Variants in UHMK1 observed in about 807,000 individuals in gnomAD.
The protein encoded by UHMK1 is serine/threonine-protein kinase Kist.
A neutral mutation model predicts 44.0 loss-of-function variants in UHMK1; 18 were observed. The ratio of observed to expected loss-of-function variants is 0.41; its 90% confidence interval spans 0.28 to 0.61. The LOEUF is 0.61. UHMK1 is among the 20% of genes least tolerant of loss of function. UHMK1 has a pLI of 0.31. For missense variants in UHMK1, 463 were observed against 522.5 expected, an observed-to-expected ratio of 0.89 and a Z score of 1.11; for synonymous variants, 231 against 198.5, an observed-to-expected ratio of 1.16 and a Z score of -1.38.
intron 7 of UHMK1, among the ~76,000 whole-genome samples, chr1:162,522,049 TTCAGCCGTA>T (rs68036113): frequency 0.36 from 54,237 of 151,770 alleles, 10,135 homozygotes; most frequent in Non-Finnish European, 0.41. Context: ...GTCTGAGCTA[TTCAGCCGTA>T]TCTTTGGCAG....
chr1:162,497,249 A>G (rs371768493), upstream of UHMK1: 238 of 701,898 alleles, frequency 3.4e-4, no homozygotes, highest in East Asian at 4.9e-3. Flanking sequence ...AATAGATTGT[A>G]AATGTTTCTT....
Position 162,501,083 on chromosome 1 carries a change from A to G in UHMK1, c.732A>G (p.Thr244=), listed in dbSNP as rs1651252235. Residue 244 remains threonine, a synonymous_variant, in exon 3 of 8, where the codon ACA becomes ACG. Transcript: ENST00000489294. ...TCTCAGGAATGAAACTGAAACATACAGTCAGATCTCAGGAATGGAAGGTAA... is the reference window on the plus strand; with the variant it reads ...TCTCAGGAATGAAACTGAAACATACGGTCAGATCTCAGGAATGGAAGGTAA... The part of the protein sequence containing the change: ...EMFSGMKLKH[T]VRSQEWKANS... The G allele has an allele frequency of 1.2e-6, 2 of 1,613,988 alleles. No homozygotes were observed. The highest frequency in any genetic ancestry group is 1.7e-5 in the Admixed American group (1 of 59,990).
In UHMK1 at chr1:162,512,528, ATTCCTGCTG is replaced by A; in HGVS notation, c.878_886del (p.Ile293_Glu296delinsLys). ...GCTTCATGATGATCCAAGCAGAAGA[ATTCCTGCTG>A]AAATGGCATTGTGCAGCCCATTCTT... On this transcript the variant is annotated inframe_deletion, in exon 5 of 8. Transcript: ENST00000489294. 2.5e-6 allele frequency: 4 copies of A among 1,612,986 alleles called. No homozygotes were observed. Among genetic ancestry groups the A allele is most frequent in the Non-Finnish European group, 3.4e-6 (4 of 1,179,784 alleles).
rs753460681 is a variant in UHMK1 at position 162,522,445 on chromosome 1, G to A, written c.1155G>A (p.Ala385=). 2.4e-5 allele frequency: 39 copies of A among 1,614,004 alleles called. No individual in the cohort carries two copies. Among genetic ancestry groups the A allele is most frequent in the Non-Finnish European group, 2.8e-5 (33 of 1,180,026 alleles). ...EYANAGDSKA[A]QKLLTGRMFD... is the part of the protein sequence containing the mutation. ...CAAATGCTGGTGATTCCAAAGCTGC[G>A]CAGAAATTACTGACTGGAAGGATGT... is the stretch of plus-strand genomic sequence containing the variant. The change falls in exon 8 of 8, where the codon GCG becomes GCA. Residue 385 remains alanine, a synonymous_variant. Coordinates refer to ENST00000489294, the MANE Select transcript of UHMK1 (RefSeq NM_175866.5).
intron 3 of UHMK1, among the ~76,000 whole-genome samples, chr1:162,502,300 A>G (rs949517698): frequency 6.6e-6 from 1 of 152,216 alleles, no homozygotes. Flanking sequence ...CTGTATAGCT[A>G]TTATAACATA....
chr1:162,522,391 T>C lies in UHMK1; in HGVS notation c.1114-13T>C. The C allele has an allele frequency of 6.2e-7, 1 of 1,613,626 alleles. No homozygotes were observed. Among genetic ancestry groups the C allele is most frequent in the Non-Finnish European group, 8.5e-7 (1 of 1,179,820 alleles). On this transcript the variant is annotated splice_polypyrimidine_tract_variant and intron_variant, in intron 7 of 7. Coordinates refer to ENST00000489294, the MANE Select transcript of UHMK1 (RefSeq NM_175866.5). Reference sequence around the variant, plus strand: ...GGTGGAAATGAAATGTTTTTTTCTCTGTCTTCTTTCAGGTCTTTGTTGAGT... The same window carrying C: ...GGTGGAAATGAAATGTTTTTTTCTCCGTCTTCTTTCAGGTCTTTGTTGAGT...
In UHMK1 at chr1:162,497,849, A is replaced by T; in HGVS notation, c.-152A>T. 1.5e-6 allele frequency: 2 copies of T among 1,363,636 alleles called. No homozygotes were observed. Among genetic ancestry groups the T allele is most frequent in the Non-Finnish European group, 1.9e-6 (2 of 1,063,460 alleles). 84.5% of individuals were successfully genotyped at this position (1,363,636 alleles called of 1,614,324 possible). ...CGGGTGCACCACGGCTTCCGGTGTC[A>T]TGGCTGCTTGAAGTCCCGGGAGTCG... On this transcript the variant is annotated 5_prime_UTR_variant, in exon 1 of 8. The change abolishes an upstream ATG in the 5' untranslated region. Transcript: ENST00000489294.
rs368892361 is a variant in UHMK1, at chr1:162,528,046, G to A, written c.*5496G>A. ...CACTTTTTTATCCCAGGTTGGAATT[G>A]CTTTCCCCTTCTAAGTTATCTTCCC... On this transcript the variant is annotated 3_prime_UTR_variant, in exon 8 of 8. Coordinates refer to ENST00000489294, the MANE Select transcript of UHMK1 (RefSeq NM_175866.5). 2.0e-5 allele frequency: 3 copies of A among 151,960 alleles called. No individual in the cohort carries two copies. The highest frequency in any genetic ancestry group is 3.2e-3 in the Middle Eastern group (1 of 316). The allele number at this position is 151,960 out of a possible 1,614,324, so 9.4% of individuals were successfully genotyped here. A position where few individuals can be genotyped will look rare whatever the true frequency, so the allele number is the denominator to read the frequency against.
chr1:162,500,469 C>T (rs1420849816), intron 2 of UHMK1: 1 of 542,266 alleles, frequency 1.8e-6, no homozygotes, highest in Non-Finnish European at 3.2e-6. Flanking sequence ...AGCATGAGAG[C>T]TCTGGAATTA....
At chr1:162,507,342 A>G (rs1571008765) in intron 4 of UHMK1, among the ~76,000 whole-genome samples, 1 of 147,138 alleles carries the variant, frequency 6.8e-6, no homozygotes, top group Non-Finnish European at 1.5e-5. Context: ...CTGGTCTTGA[A>G]CTCCTGATCT....
intron 7 of UHMK1, among the ~76,000 whole-genome samples, chr1:162,519,115 G>A (rs1307016617): frequency 2.0e-5 from 3 of 151,884 alleles, no homozygotes; most frequent in African/African-American, 7.3e-5. Context: ...TCAGGAGTTT[G>A]AGACCAGCCC....
Position 162,499,989 on chromosome 1 carries a change from T to C in UHMK1, c.303T>C (p.Ser101=), listed in dbSNP as rs1001306355. 2.5e-6 allele frequency: 4 copies of C among 1,614,098 alleles called. No homozygotes were observed. The highest frequency in any genetic ancestry group is 2.7e-5 in the African/African-American group (2 of 74,918). Residue 101 remains serine (S), a synonymous_variant, in exon 2 of 8, where the codon TCT becomes TCC. Transcript: ENST00000489294. ...ATGGAGTGTTTACAATCCACTTTTC[T>C]CCAAATGTGCCATCACGCTGTCTGT... ...TLYGVFTIHF[S]PNVPSRCLLL...
Position 162,522,468 on chromosome 1 carries a change from T to C in UHMK1, c.1178T>C (p.Met393Thr). 1 of 1,614,190 alleles carries C rather than the reference T, an allele frequency of 6.2e-7. No individual in the cohort carries two copies. Among genetic ancestry groups the C allele is most frequent in the Non-Finnish European group, 8.5e-7 (1 of 1,180,026 alleles). Residue 393 changes from methionine (M) to threonine (T), a missense_variant, in exon 8 of 8, where the codon ATG becomes ACG. Met to Thr is a moderately conservative substitution (Grantham distance 81). Transcript: ENST00000489294. The stretch of plus-strand genomic sequence containing the variant: ...GCGCAGAAATTACTGACTGGAAGGA[T>C]GTTTGATGGGAAGTTTGTTGTGGCT... ...KAAQKLLTGRMFDGKFVVATF... is the reference protein window; with the variant it reads ...KAAQKLLTGRTFDGKFVVATF...
At chr1:162,522,212 A>G (rs1652083829) in intron 7 of UHMK1, among the ~76,000 whole-genome samples, 192 bp from the exon 8 acceptor site, 1 of 152,226 alleles carries the variant, frequency 6.6e-6, no homozygotes, top group South Asian at 2.1e-4. Context: ...AGTATAGTTC[A>G]TAGACCAGCA....
At chr1:162,516,506 A>G (rs1651839802) in intron 6 of UHMK1, among the ~76,000 whole-genome samples, 1 of 152,186 alleles carries the variant, frequency 6.6e-6, no homozygotes, top group South Asian at 2.1e-4. Context: ...CTTTTTTAAT[A>G]TAAAAAGACA....
At chr1:162,507,320 A>G (rs1651503059) in intron 4 of UHMK1, among the ~76,000 whole-genome samples, 1 of 151,960 alleles carries the variant, frequency 6.6e-6, no homozygotes, top group East Asian at 1.9e-4. Flanking sequence ...GGGTTTCACC[A>G]TATTGGCCAG....
rs1050698081 is a variant in UHMK1, at chr1:162,521,038, A to G, written c.1114-1366A>G. On this transcript the variant is annotated intron_variant, in intron 7 of 7. Transcript: ENST00000489294. ...AAGGAGAGTGAAAGCAGCTTTTGAT[A>G]AACTCTTGGAATCACAGATTTAATC... Among the ~76,000 whole-genome samples, 3 of 152,208 alleles carry G rather than the reference A, an allele frequency of 2.0e-5. No individual in the cohort carries two copies. In the South Asian group the frequency reaches 6.2e-4, roughly 31 times the overall value.
At chr1:162,500,326 G>A in intron 2 of UHMK1, 79 bp downstream of exon 2, 1 of 1,467,968 alleles carries the variant, frequency 6.8e-7, no homozygotes, top group Non-Finnish European at 9.1e-7. Context: ...GACAAGGGTA[G>A]TTTAGTAGGG....
At chr1:162,516,496 CT>C (rs1651839643) in intron 6 of UHMK1, among the ~76,000 whole-genome samples, 1 of 152,036 alleles carries the variant, frequency 6.6e-6, no homozygotes, top group Non-Finnish European at 1.5e-5. Context: ...GAAGGAGATA[CT>C]TTTTTAATAT....
Sources: gnomAD v4.1 joint callset for allele counts (sites outside exome capture counted in the v4.1 genomes callset) on GRCh38, gnomAD v4.1.1 for gene constraint, MANE v1.5 for transcripts, NCBI Gene and HGNC (gene_info 2026-07-23, HGNC 2026-07-21) for gene names.